The following BLOC1S3 variants were observed in gnomAD, a reference collection of about 807,000 sequenced individuals.
The protein encoded by BLOC1S3 is biogenesis of lysosome-related organelles complex 1 subunit 3.
A neutral mutation model predicts 9.1 loss-of-function variants in BLOC1S3; 7 were observed. The observed-to-expected ratio is 0.77, with a 90% CI of 0.44 to 1.45. The LOEUF (loss-of-function observed/expected upper bound fraction) is 1.45, where lower values mean the gene tolerates loss of function less well. Among genes scored for constraint, BLOC1S3 ranks in the 40% most tolerant of loss-of-function variants. BLOC1S3 has a pLI of 0.01. For synonymous variants in BLOC1S3, 145 were observed against 158.4 expected, an observed-to-expected ratio of 0.92 and a Z score of 0.64; for missense variants, 307 against 315.2, an observed-to-expected ratio of 0.97 and a Z score of 0.20.
At chr19:45,183,926 C>T (rs1969547305), downstream of BLOC1S3, among the ~76,000 whole-genome samples, 1 of 152,118 alleles carries the variant, frequency 6.6e-6, no homozygotes. Context: ...TGAGCCACCA[C>T]ACCTGGTCAG....
At chr19:45,196,592 T>A (rs1430742582) in intron 2 of BLOC1S3, among the ~76,000 whole-genome samples, 3 of 151,688 alleles carry the variant, frequency 2.0e-5, no homozygotes, top group Non-Finnish European at 4.4e-5. Flanking sequence ...GTGAGAGAAT[T>A]GAAAAGGAAA....
At chr19:45,193,865 T>C (rs1420746278) in intron 2 of BLOC1S3, among the ~76,000 whole-genome samples, 6 of 126,036 alleles carry the variant, frequency 4.8e-5, no homozygotes, top group South Asian at 2.8e-4. Context: ...TGCAGTGGTG[T>C]GATCTCGGCT....
chr19:45,188,549 A>AATTATT (rs61583899), intron 2 of BLOC1S3, among the ~76,000 whole-genome samples: 20,828 of 143,196 alleles, frequency 0.15, 2,492 homozygotes, highest in African/African-American at 0.34. Flanking sequence ...CATTCTTTCT[A>AATTATT]ATTATTATTA....
downstream of BLOC1S3, among the ~76,000 whole-genome samples, chr19:45,182,924 G>A (rs537903070): frequency 3.3e-5 from 5 of 152,272 alleles, no homozygotes; most frequent in South Asian, 6.2e-4. Context: ...TAATCTGGGC[G>A]GGAGAGAGGA....
At chr19:45,201,890 T>G (rs1366298823) in intron 2 of BLOC1S3, among the ~76,000 whole-genome samples, 2 of 152,054 alleles carry the variant, frequency 1.3e-5, no homozygotes, top group African/African-American at 4.8e-5. Flanking sequence ...GGAAACCCCT[T>G]TGGCTTGGTT....
At chr19:45,188,264 C>A (rs1241393012) in intron 2 of BLOC1S3, among the ~76,000 whole-genome samples, 2 of 152,208 alleles carry the variant, frequency 1.3e-5, no homozygotes, top group Non-Finnish European at 2.9e-5. Flanking sequence ...CTCAGGTGAT[C>A]TGCCTGCCTC....
rs1191195737 is a variant in BLOC1S3, at chr19:45,179,407, G to A, written c.111G>A (p.Glu37=). 1 of 1,568,508 alleles carries A rather than the reference G, an allele frequency of 6.4e-7. No homozygotes were observed. Among genetic ancestry groups the A allele is most frequent in the Non-Finnish European group, 8.6e-7 (1 of 1,165,128 alleles). Residue 37 remains glutamate (E), a synonymous_variant, in exon 2 of 2, where the codon GAG becomes GAA. Transcript: ENST00000433642. The surrounding 1 kb of genome is among the most constrained non-coding windows in gnomAD (Gnocchi z 4.6). ...GCTCTGCGTCCTCGTCGGAGGAGGA[G>A]GAGCTGTACCTGGGTCCTTCGGGCC... The part of the protein sequence containing the change: ...SERSASSSEE[E]ELYLGPSGPT...
rs1969499297 is a variant in BLOC1S3 at position 45,180,234 on chromosome 19, A to AT, written c.*329_*330insT. ...TCTGTTTCCACCCTGGGGGCTCACC[A>AT]ATTTTTTTTTTTTTTTTTTTTTTTT... On this transcript the variant is annotated 3_prime_UTR_variant, in exon 2 of 2. Transcript: ENST00000433642. 5.8e-6 allele frequency: 1 copy of AT among 172,658 alleles called. No homozygotes were observed. Among genetic ancestry groups the AT allele is most frequent in the Non-Finnish European group, 1.1e-5 (1 of 93,072 alleles). 10.7% of individuals were successfully genotyped at this position (172,658 alleles called of 1,614,324 possible). A position where few individuals can be genotyped will look rare whatever the true frequency, so the allele number is the denominator to read the frequency against.
intron 3 of BLOC1S3, among the ~76,000 whole-genome samples, chr19:45,203,167 G>T (rs182181836): frequency 1.3e-5 from 2 of 152,076 alleles, no homozygotes; most frequent in Non-Finnish European, 2.9e-5. Flanking sequence ...ATGTCTCAGT[G>T]GGCCTCATGC....
At position 45,180,229 on chromosome 19, in the gene BLOC1S3, T is replaced by A; in HGVS notation, c.*324T>A. ...CTTAATCTGTTTCCACCCTGGGGGC[T>A]CACCAATTTTTTTTTTTTTTTTTTT... On this transcript the variant is annotated 3_prime_UTR_variant, in exon 2 of 2. Coordinates refer to ENST00000433642, the MANE Select transcript of BLOC1S3 (RefSeq NM_212550.5). 3 of 209,360 alleles carry A rather than the reference T, an allele frequency of 1.4e-5. No homozygotes were observed. The highest frequency in any genetic ancestry group is 9.6e-5 in the East Asian group (1 of 10,440). 13.0% of individuals were successfully genotyped at this position (209,360 alleles called of 1,614,324 possible).
chr19:45,204,340 C>T (rs1363419458), intron 3 of BLOC1S3, among the ~76,000 whole-genome samples: 1 of 152,026 alleles, frequency 6.6e-6, no homozygotes, highest in Non-Finnish European at 1.5e-5. Context: ...CAGGCACCCA[C>T]CACCATGCCC....
intron 2 of BLOC1S3, among the ~76,000 whole-genome samples, chr19:45,188,376 T>C (rs1258023686): frequency 6.6e-6 from 1 of 151,844 alleles, no homozygotes; most frequent in African/African-American, 2.4e-5. Flanking sequence ...GTCTCTGCCA[T>C]GTTGACCAGG....
chr19:45,195,680 C>T (rs766370467), intron 2 of BLOC1S3, among the ~76,000 whole-genome samples: 29 of 151,060 alleles, frequency 1.9e-4, no homozygotes, highest in South Asian at 1.3e-3. Flanking sequence ...CTGCAATCTC[C>T]GCCTCCTGGC....
In BLOC1S3 at chr19:45,179,385, C is replaced by T. The variant is rs747855208; in HGVS notation, c.89C>T (p.Ser30Phe). 1 of 1,580,446 alleles carries T rather than the reference C, an allele frequency of 6.3e-7. No individual in the cohort carries two copies. The highest frequency in any genetic ancestry group is 2.3e-5 in the East Asian group (1 of 43,104). Residue 30 changes from serine to phenylalanine, a missense_variant, in exon 2 of 2, where the codon TCT (serine) becomes TTT (phenylalanine). Ser to Phe is a radical substitution (Grantham distance 155). Transcript: ENST00000433642. The surrounding 1 kb of genome is among the most constrained non-coding windows in gnomAD (Gnocchi z 4.6). ...GEATETDSER[S>F]ASSSEEEELY... ...GCGACCGAGACGGATTCCGAGCGCT[C>T]TGCGTCCTCGTCGGAGGAGGAGGAG...
At chr19:45,191,690 C>T (rs1969608451) in intron 2 of BLOC1S3, among the ~76,000 whole-genome samples, 1 of 152,252 alleles carries the variant, frequency 6.6e-6, no homozygotes, top group Admixed American at 6.5e-5. Context: ...CTTGTAGAGA[C>T]ACTGCCTTGG....
intron 3 of BLOC1S3, chr19:45,212,982 A>T: frequency 7.4e-7 from 1 of 1,356,776 alleles, no homozygotes; most frequent in Non-Finnish European, 9.6e-7. Context: ...GTGTGGTCCC[A>T]GGCAGGGAGT....
intron 2 of BLOC1S3, among the ~76,000 whole-genome samples, chr19:45,196,898 C>CAAAAA (rs761156453): frequency 2.9e-5 from 4 of 136,988 alleles, no homozygotes; most frequent in Admixed American, 7.3e-5. Flanking sequence ...AAGACTGTCT[C>CAAAAA]AAAAAAAAAA....
At chr19:45,211,283 G>A (rs1969768292) in intron 3 of BLOC1S3, among the ~76,000 whole-genome samples, 1 of 152,076 alleles carries the variant, frequency 6.6e-6, no homozygotes, top group Admixed American at 6.6e-5. Context: ...GATCACTTGA[G>A]GTCAGGAGTT....
chr19:45,195,597 C>T (rs1333550996), intron 2 of BLOC1S3, among the ~76,000 whole-genome samples: 3 of 142,700 alleles, frequency 2.1e-5, no homozygotes, highest in Non-Finnish European at 4.6e-5. Context: ...CTCCCTTCCT[C>T]CCTCCTTCCT....
Sources: gnomAD v4.1 joint callset for allele counts (sites outside exome capture counted in the v4.1 genomes callset) on GRCh38, gnomAD v4.1.1 for gene constraint, Gnocchi (gnomAD v3.1) non-coding constraint, MANE v1.5 for transcripts, NCBI Gene and HGNC (gene_info 2026-07-23, HGNC 2026-07-21) for gene names.